NBEA: variants seen among roughly 807,000 people sequenced by gnomAD.
NBEA encodes the protein lysosomal-trafficking regulator 2.
A neutral mutation model predicts 343.4 loss-of-function variants in NBEA; 44 were observed. The observed-to-expected ratio is 0.13, with a 90% CI of 0.10 to 0.16. The LOEUF (loss-of-function observed/expected upper bound fraction) is 0.16. Among genes scored for constraint, NBEA ranks in the 10% least tolerant of loss-of-function variants. The probability of loss-of-function intolerance (pLI) is 1.00; values close to 1 mark genes in which losing one functional copy is unlikely to be tolerated. For missense variants in NBEA, 2,555 were observed against 3,631.3 expected, an observed-to-expected ratio of 0.70 and a Z score of 7.62; for synonymous variants, 1,175 against 1,238.7, an observed-to-expected ratio of 0.95 and a Z score of 1.08.
intron 58 of NBEA, among the ~76,000 whole-genome samples, chr13:35,669,362 C>T (rs2085499673): frequency 6.6e-6 from 1 of 152,146 alleles, no homozygotes; most frequent in South Asian, 2.1e-4. Context: ...TTCCCAACTA[C>T]ATGTAATATT....
intron 38 of NBEA, among the ~76,000 whole-genome samples, chr13:35,415,153 A>G (rs930243256): frequency 3.9e-5 from 6 of 152,124 alleles, no homozygotes; most frequent in African/African-American, 1.2e-4. Flanking sequence ...AGATGAGTAG[A>G]TTGCAGAAAT....
intron 33 of NBEA, among the ~76,000 whole-genome samples, chr13:35,228,522 G>C (rs994771302): frequency 1.3e-5 from 2 of 151,652 alleles, no homozygotes; most frequent in Non-Finnish European, 2.9e-5. Context: ...CTTACCTCTC[G>C]CTCCCACCTT....
intron 34 of NBEA, among the ~76,000 whole-genome samples, chr13:35,233,814 TG>T (rs2075095760): frequency 6.6e-6 from 1 of 152,050 alleles, no homozygotes; most frequent in Admixed American, 6.6e-5. Flanking sequence ...TAGAAGATAG[TG>T]AATGTTATGT....
In NBEA at chr13:35,159,024, T is replaced by C. The variant is rs2069377362; in HGVS notation, c.2853T>C (p.Tyr951=). 3.8e-6 allele frequency: 6 copies of C among 1,592,522 alleles called. No individual in the cohort carries two copies. The highest frequency in any genetic ancestry group is 2.3e-5 in the South Asian group (2 of 86,886). Residue 951 remains tyrosine (Y), a synonymous_variant, in exon 22 of 59, where the codon TAT becomes TAC. Coordinates refer to ENST00000379939, the MANE Select transcript of NBEA (RefSeq NM_001385012.1). ...TLSIAHSKVT[Y]EAHKEYLAKM... is the part of the protein sequence containing the mutation. ...CTTTACTTATTCCTAAGGTCACTTA[T>C]GAAGCTCATAAGGAATACCTAGCCA...
At chr13:35,566,415 C>A (rs1230259043) in intron 44 of NBEA, among the ~76,000 whole-genome samples, 2 of 152,106 alleles carry the variant, frequency 1.3e-5, no homozygotes, top group Admixed American at 1.3e-4. Flanking sequence ...ACATAAGCTG[C>A]AGATGTGCAG....
intron 51 of NBEA, among the ~76,000 whole-genome samples, chr13:35,647,093 C>A (rs1294899837): frequency 6.6e-6 from 1 of 152,148 alleles, no homozygotes; most frequent in Non-Finnish European, 1.5e-5. Context: ...GAGTCATATT[C>A]TTTTCATTTT....
chr13:35,613,614 T>TTA (rs765205587), intron 48 of NBEA, among the ~76,000 whole-genome samples: 1 of 151,604 alleles, frequency 6.6e-6, no homozygotes, highest in African/African-American at 2.4e-5. Context: ...TTGTTTTTGT[T>TTA]TGTTTGTTTG....
At chr13:35,105,533 G>A (rs1360426728) in intron 11 of NBEA, among the ~76,000 whole-genome samples, 2 of 152,016 alleles carry the variant, frequency 1.3e-5, no homozygotes, top group African/African-American at 4.8e-5. Flanking sequence ...ACATCCAGGT[G>A]AAGAAAGCGA....
At chr13:35,235,921 C>G (rs117605026) in intron 34 of NBEA, among the ~76,000 whole-genome samples, 1 of 151,906 alleles carries the variant, frequency 6.6e-6, no homozygotes, top group South Asian at 2.1e-4. Context: ...AATACTGGAA[C>G]GGGTTAGATA....
At chr13:35,344,794 A>G (rs1934673877) in intron 36 of NBEA, among the ~76,000 whole-genome samples, 1 of 152,122 alleles carries the variant, frequency 6.6e-6, no homozygotes, top group African/African-American at 2.4e-5. Context: ...CTAAGCCCAA[A>G]TAGTTTACAG....
intron 40 of NBEA, among the ~76,000 whole-genome samples, chr13:35,460,544 C>A (rs553143480): frequency 1.3e-5 from 2 of 152,136 alleles, no homozygotes; most frequent in African/African-American, 4.8e-5. Context: ...GCCTCTTTGC[C>A]TCTTTTCATT....
intron 17 of NBEA, among the ~76,000 whole-genome samples, chr13:35,133,899 T>A (rs775457538): frequency 9.2e-5 from 14 of 151,784 alleles, no homozygotes; most frequent in Admixed American, 5.3e-4. Flanking sequence ...ACTAAGTTGG[T>A]TGGTGGTTAC....
At chr13:35,204,336 T>C (rs1232343582) in intron 31 of NBEA, among the ~76,000 whole-genome samples, 2 of 152,148 alleles carry the variant, frequency 1.3e-5, no homozygotes, top group Non-Finnish European at 2.9e-5. Flanking sequence ...TAATTGGACT[T>C]ACAGTTCCAC....
chr13:35,337,437 C>G (rs1356760188), intron 36 of NBEA, among the ~76,000 whole-genome samples: 1 of 152,036 alleles, frequency 6.6e-6, no homozygotes, highest in Non-Finnish European at 1.5e-5. Context: ...TTATGTAAAT[C>G]CATCCATAAG....
chr13:35,113,721 A>T (rs2066350225), intron 13 of NBEA, among the ~76,000 whole-genome samples: 1 of 152,156 alleles, frequency 6.6e-6, no homozygotes, highest in Non-Finnish European at 1.5e-5. Flanking sequence ...AGGGCCAGAT[A>T]GTGTTTTAGG....
At chr13:35,621,749 T>G (rs2153061105) in intron 48 of NBEA, among the ~76,000 whole-genome samples, 1 of 152,320 alleles carries the variant, frequency 6.6e-6, no homozygotes, top group East Asian at 1.9e-4. Flanking sequence ...TCATCACATC[T>G]TTTCCACTGC....
At chr13:34,983,954 C>T (rs944200275) in intron 1 of NBEA, among the ~76,000 whole-genome samples, 2 of 152,040 alleles carry the variant, frequency 1.3e-5, no homozygotes, top group Non-Finnish European at 2.9e-5. Context: ...AAAATTTTCT[C>T]CCATTCTGTA....
At chr13:35,530,172 T>C (rs1004983799) in intron 41 of NBEA, among the ~76,000 whole-genome samples, 5 of 152,252 alleles carry the variant, frequency 3.3e-5, no homozygotes, top group African/African-American at 9.6e-5. Context: ...TCTTTTTAAT[T>C]ACTGTGTAAA....
intron 1 of NBEA, among the ~76,000 whole-genome samples, chr13:34,980,451 C>CATTT (rs10569517): frequency 1.2e-3 from 171 of 147,590 alleles, no homozygotes; most frequent in Admixed American, 2.2e-3. Context: ...ATTTTTATTA[C>CATTT]ATTTATTTAT....
Sources: allele counts gnomAD v4.1 joint callset (sites outside exome capture counted in the v4.1 genomes callset), GRCh38; gene constraint gnomAD v4.1.1; transcripts MANE v1.5; gene names NCBI Gene and HGNC (gene_info 2026-07-23, HGNC 2026-07-21).